Variants in RAB35 observed in about 807,000 individuals in gnomAD.
The protein encoded by RAB35 is ras-related protein Rab-35.
In RAB35, 4 loss-of-function variants were observed where a neutral mutation model predicts 28.9. The observed-to-expected ratio is 0.14, with a 90% CI of 0.07 to 0.32. The LOEUF (loss-of-function observed/expected upper bound fraction) is 0.32. Ranked by LOEUF, RAB35 falls within the 10% of genes least tolerant of loss-of-function variation. The pLI, the probability that RAB35 is intolerant of heterozygous loss-of-function variation, is 1.00. For synonymous variants in RAB35, 99 were observed against 105.1 expected (o/e 0.94, Z 0.35); for missense variants, 128 against 274.0 (o/e 0.47, Z 3.76).
rs1213717599 is a variant in RAB35 at position 120,116,557 on chromosome 12, CCCGG to C, written c.52+38_52+41del. 3.7e-6 allele frequency: 4 copies of C among 1,068,068 alleles called. No individual in the cohort carries two copies. The African/African-American group carries it at 6.8e-5, about 18-fold the overall frequency. 66.2% of individuals were successfully genotyped at this position (1,068,068 alleles called of 1,614,324 possible). The stretch of plus-strand genomic sequence containing the variant: ...CGCCCCGAGGCCCCCGCGGGCCGCG[CCCGG>C]CAGGGCCCGCGCCGCCTCCGGCCGC... On this transcript the variant is annotated intron_variant, in intron 1 of 5. Transcript: ENST00000229340.
intron 1 of RAB35, among the ~76,000 whole-genome samples, chr12:120,109,895 T>A: frequency 6.6e-6 from 1 of 152,192 alleles, no homozygotes; most frequent in Non-Finnish European, 1.5e-5. Context: ...CCAACACCCC[T>A]GAGGCCAGCC....
intron 3 of RAB35, among the ~76,000 whole-genome samples, chr12:120,102,561 G>A (rs1410746932): frequency 2.6e-5 from 4 of 152,158 alleles, no homozygotes; most frequent in African/African-American, 4.8e-5. Flanking sequence ...TCAGCATAGG[G>A]TGAACCCAGT....
chr12:120,101,824 T>C (rs1292280888), intron 3 of RAB35, among the ~76,000 whole-genome samples: 1 of 152,206 alleles, frequency 6.6e-6, no homozygotes, highest in African/African-American at 2.4e-5. Context: ...CCCAGGAAGC[T>C]GAGTGACTCC....
intron 3 of RAB35, among the ~76,000 whole-genome samples, chr12:120,102,851 G>A (rs1875712672): frequency 6.6e-6 from 1 of 152,180 alleles, no homozygotes; most frequent in Non-Finnish European, 1.5e-5. Context: ...GAGAGCCAAG[G>A]AGGTGCCCGT....
At chr12:120,108,554 G>T in intron 1 of RAB35, 87 bp from the exon 2 acceptor site, 1 of 1,291,436 alleles carries the variant, frequency 7.7e-7, no homozygotes, top group Non-Finnish European at 1.1e-6. Context: ...GGATGCCTCA[G>T]TCCCAACTCT....
In RAB35 at chr12:120,116,734, G is replaced by T. The variant is rs1334616741; in HGVS notation, c.-84C>A. On this transcript the variant is annotated 5_prime_UTR_variant, in exon 1 of 6. Coordinates refer to ENST00000229340, the MANE Select transcript of RAB35 (RefSeq NM_006861.7). ...GCTCCCTTCGGGCTGCTCCGGCAGC[G>T]GCGGATCCACTTCCCGAACAAACAG... 8.3e-6 allele frequency: 10 copies of T among 1,201,992 alleles called. No homozygotes were observed. The African/African-American group carries it at 1.1e-4, about 13-fold the overall frequency. The allele number at this position is 1,201,992 out of a possible 1,614,324, so 74.5% of individuals were successfully genotyped here.
In RAB35 at chr12:120,116,618, C is replaced by T. The variant is rs1360416949; in HGVS notation, c.33G>A (p.Leu11=). The T allele has an allele frequency of 7.4e-6, 9 of 1,219,096 alleles. No individual in the cohort carries two copies. The highest frequency in any genetic ancestry group is 9.2e-6 in the Non-Finnish European group (9 of 979,680). The allele number at this position is 1,219,096 out of a possible 1,614,324, so 75.5% of individuals were successfully genotyped here. MARDYDHLFK[L]LIIGDSGVGK... is the part of the protein sequence containing the mutation. ...CCTCACCGCTGTCGCCGATGATGAG[C>T]AGCTTGAAGAGGTGGTCGTAGTCCC... Residue 11 remains leucine, a synonymous_variant, in exon 1 of 6, where the codon CTG becomes CTA. Transcript: ENST00000229340.
chr12:120,104,539 T>C (rs1349966672), intron 2 of RAB35, among the ~76,000 whole-genome samples: 1 of 152,158 alleles, frequency 6.6e-6, no homozygotes, highest in Admixed American at 6.5e-5. Flanking sequence ...TCCAAGAACG[T>C]GGACTTTCTC....
chr12:120,110,732 G>A lies in RAB35; in HGVS notation c.53-2265C>T, dbSNP rs1268498663. ...TCTCCTGGTGAGTGAGCTGCCCCAC[G>A]ATGCCCAGAAGAACTTGTTTCACTG... On this transcript the variant is annotated intron_variant, in intron 1 of 5. Coordinates refer to ENST00000229340, the MANE Select transcript of RAB35 (RefSeq NM_006861.7). 2.6e-5 allele frequency among the ~76,000 whole-genome samples: 4 copies of A among 152,176 alleles called. No individual in the cohort carries two copies. In the East Asian group the frequency reaches 5.8e-4, roughly 22 times the overall value.
chr12:120,116,357 C>T (rs1594249459), intron 1 of RAB35, among the ~76,000 whole-genome samples: 1 of 152,132 alleles, frequency 6.6e-6, no homozygotes, highest in Non-Finnish European at 1.5e-5. Flanking sequence ...ACCAAGGTCA[C>T]ACGTGAGGCA....
intron 2 of RAB35, 77 bp downstream of exon 2, chr12:120,108,338 ACT>A: frequency 7.0e-7 from 1 of 1,428,068 alleles, no homozygotes; most frequent in Non-Finnish European, 9.8e-7. Context: ...GGCAGAGGCA[ACT>A]CTGTTTGGTG....
intron 1 of RAB35, among the ~76,000 whole-genome samples, chr12:120,115,033 G>A (rs115560473): frequency 1.1e-3 from 174 of 152,280 alleles, no homozygotes; most frequent in African/African-American, 4.0e-3. Context: ...ATCTCCAAGA[G>A]AACACTCCAG....
chr12:120,097,015 C>T lies in RAB35; in HGVS notation c.*230G>A. 3.3e-6 allele frequency: 5 copies of T among 1,510,566 alleles called. No homozygotes were observed. Among genetic ancestry groups the T allele is most frequent in the Non-Finnish European group, 3.5e-6 (4 of 1,131,028 alleles). The allele number at this position is 1,510,566 out of a possible 1,614,324, so 93.6% of individuals were successfully genotyped here. ...GCAGCGTCCTCGCCAGGTCCAGGCG[C>T]CTTGGCCGGGGAGGAGGGGGCACCA... is the stretch of plus-strand genomic sequence containing the variant. On this transcript the variant is annotated 3_prime_UTR_variant, in exon 6 of 6. Transcript: ENST00000229340.
At chr12:120,111,115 G>A (rs149588709) in intron 1 of RAB35, among the ~76,000 whole-genome samples, 62 of 152,338 alleles carry the variant, frequency 4.1e-4, no homozygotes, top group African/African-American at 1.4e-3. Context: ...CACTTAGTAG[G>A]TGCCAACCAA....
chr12:120,098,976 A>G (rs781450528), intron 4 of RAB35, 41 bp from the exon 5 acceptor site: 9 of 1,613,908 alleles, frequency 5.6e-6, no homozygotes, highest in Non-Finnish European at 7.6e-6. Context: ...TGAGGGGCGC[A>G]GCCGGCTGCC....
Position 120,116,748 on chromosome 12 carries a change from C to G in RAB35, c.-98G>C. The G allele has an allele frequency of 3.4e-6, 4 of 1,189,570 alleles. No homozygotes were observed. Among genetic ancestry groups the G allele is most frequent in the Non-Finnish European group, 4.2e-6 (4 of 959,128 alleles). The allele number at this position is 1,189,570 out of a possible 1,614,324, so 73.7% of individuals were successfully genotyped here. On this transcript the variant is annotated 5_prime_UTR_variant, in exon 1 of 6. Transcript: ENST00000229340. ...GCTCCGGCAGCGGCGGATCCACTTC[C>G]CGAACAAACAGCCGGAACTGACAGA... is the stretch of plus-strand genomic sequence containing the variant.
intron 1 of RAB35, chr12:120,108,691 G>A: frequency 1.5e-6 from 1 of 670,196 alleles, no homozygotes; most frequent in African/African-American, 1.8e-5. Flanking sequence ...AAGACAAGCT[G>A]CTCCCAAATC....
At chr12:120,099,423 C>T (rs1488407651) in intron 3 of RAB35, 8 of 537,444 alleles carry the variant, frequency 1.5e-5, no homozygotes, top group East Asian at 3.1e-5. Context: ...TGAGGAGTCA[C>T]CTCCTGCTGT....
Position 120,095,294 on chromosome 12 carries a change from TG to T in RAB35, c.*1950del, listed in dbSNP as rs1875325910. 2 of 133,832 alleles carry T rather than the reference TG, an allele frequency of 1.5e-5. No individual in the cohort carries two copies. The highest frequency in any genetic ancestry group is 5.8e-5 in the African/African-American group (2 of 34,664). 8.3% of individuals were successfully genotyped at this position (133,832 alleles called of 1,614,324 possible). A position where few individuals can be genotyped will look rare whatever the true frequency, so the allele number is the denominator to read the frequency against. ...TAACCCCCATTCATGCGTGTAACAGTGGGACAGGCACACTGTCATGACCAAA... is the reference window on the plus strand; with the variant it reads ...TAACCCCCATTCATGCGTGTAACAGTGGACAGGCACACTGTCATGACCAAA... On this transcript the variant is annotated 3_prime_UTR_variant, in exon 6 of 6. Coordinates refer to ENST00000229340, the MANE Select transcript of RAB35 (RefSeq NM_006861.7).
Sources: allele counts gnomAD v4.1 joint callset (sites outside exome capture counted in the v4.1 genomes callset), GRCh38; gene constraint gnomAD v4.1.1; transcripts MANE v1.5; gene names NCBI Gene and HGNC (gene_info 2026-07-23, HGNC 2026-07-21).